ADGRG6: variants seen among roughly 807,000 people sequenced by gnomAD.
ADGRG6 encodes G-protein coupled receptor 126.
ADGRG6 carries 84 observed loss-of-function variants against 142.4 expected under a neutral mutation model. The observed-to-expected ratio is 0.59, with a 90% confidence interval of 0.49 to 0.71. The LOEUF is 0.71. ADGRG6 is among the 30% of genes least tolerant of loss of function. The probability of loss-of-function intolerance (pLI) is 0.00; values close to 1 mark genes in which losing one functional copy is unlikely to be tolerated. For missense variants in ADGRG6, 1,367 were observed against 1,466.6 expected, an observed-to-expected ratio of 0.93 and a Z score of 1.11; for synonymous variants, 521 against 520.5, an observed-to-expected ratio of 1.00 and a Z score of -0.01.
intron 2 of ADGRG6, among the ~76,000 whole-genome samples, chr6:142,322,476 T>G (rs1245457097): frequency 6.6e-6 from 1 of 152,088 alleles, no homozygotes; most frequent in Non-Finnish European, 1.5e-5. Flanking sequence ...TTAGGTCAAG[T>G]GTAAGATGCC....
rs1315498506 is a variant in ADGRG6, at chr6:142,402,730, A to G, written c.1855A>G (p.Lys619Glu). 1.2e-6 allele frequency: 2 copies of G among 1,600,120 alleles called. No individual in the cohort carries two copies. The highest frequency in any genetic ancestry group is 2.7e-5 in the African/African-American group (2 of 74,616). Residue 619 changes from lysine (K) to glutamate (E), a missense_variant, in exon 13 of 25, where the codon AAA (lysine) becomes GAA (glutamate). Coordinates refer to ENST00000367609, the MANE Select transcript of ADGRG6 (RefSeq NM_198569.3). ...IVEQVKRIVN[K>E]EENIDITLGS... Reference sequence around the variant, plus strand: ...GGAACAGGTCAAAAGAATTGTGAATAAAGAAGAAAACATTGATATAACACT... The same window carrying G: ...GGAACAGGTCAAAAGAATTGTGAATGAAGAAGAAAACATTGATATAACACT...
rs1775464755 is a variant in ADGRG6, at chr6:142,400,591, G to A, written c.1674G>A (p.Arg558=). ...CPDKPGFSAS[R]ICFYNATNPL... ...ACAAGCCTGGCTTTTCTGCTTCTCGGATATGGTAATATTTTCACTGACTCT... is the reference window on the plus strand; with the variant it reads ...ACAAGCCTGGCTTTTCTGCTTCTCGAATATGGTAATATTTTCACTGACTCT... Residue 558 remains arginine, a synonymous_variant, in exon 11 of 25, where the codon CGG becomes CGA. Coordinates refer to ENST00000367609, the MANE Select transcript of ADGRG6 (RefSeq NM_198569.3). 1 of 1,528,778 alleles carries A rather than the reference G, an allele frequency of 6.5e-7. No homozygotes were observed. Among genetic ancestry groups the A allele is most frequent in the Non-Finnish European group, 9.1e-7 (1 of 1,103,482 alleles). The allele number at this position is 1,528,778 out of a possible 1,614,324, so 94.7% of individuals were successfully genotyped here. A position where few individuals can be genotyped will look rare whatever the true frequency, so the allele number is the denominator to read the frequency against.
rs373987811 is a variant in ADGRG6 at position 142,414,953 on chromosome 6, G to A, written c.2542-16G>A. ...AGAAGAGAGTTTCTTACAGCTGCTC[G>A]CCATGTTTTATGTAGGACCTTCCAA... On this transcript the variant is annotated splice_polypyrimidine_tract_variant and intron_variant, in intron 18 of 24. Coordinates refer to ENST00000367609, the MANE Select transcript of ADGRG6 (RefSeq NM_198569.3). 1.4e-4 allele frequency: 224 copies of A among 1,597,194 alleles called. No homozygotes were observed. The East Asian group carries it at 3.1e-3, about 22-fold the overall frequency.
intron 7 of ADGRG6, among the ~76,000 whole-genome samples, chr6:142,392,352 A>T (rs1013694781): frequency 2.6e-5 from 4 of 151,962 alleles, no homozygotes; most frequent in Non-Finnish European, 5.9e-5. Flanking sequence ...TCTTATGCTG[A>T]GACCATAAAG....
At chr6:142,353,982 G>A (rs1314761072) in intron 2 of ADGRG6, among the ~76,000 whole-genome samples, 1 of 152,148 alleles carries the variant, frequency 6.6e-6, no homozygotes, top group Admixed American at 6.5e-5. Flanking sequence ...TTCTAGTCAA[G>A]TATATGGAGA....
chr6:142,365,568 A>C (rs1474508242), intron 2 of ADGRG6, among the ~76,000 whole-genome samples: 2 of 152,206 alleles, frequency 1.3e-5, no homozygotes, highest in African/African-American at 4.8e-5. Context: ...TAGTGCTACA[A>C]AGCAGAGGAA....
intron 24 of ADGRG6, among the ~76,000 whole-genome samples, chr6:142,441,326 AT>A (rs1307515177): frequency 2.0e-5 from 3 of 152,210 alleles, no homozygotes; most frequent in African/African-American, 7.2e-5. Context: ...GTCATGGTAC[AT>A]TCATAGAAGT....
At chr6:142,382,687 C>A (rs1217137692) in intron 5 of ADGRG6, among the ~76,000 whole-genome samples, 1 of 151,854 alleles carries the variant, frequency 6.6e-6, no homozygotes, top group Non-Finnish European at 1.5e-5. Flanking sequence ...TATCCATGAC[C>A]CTTTTCATCT....
chr6:142,374,155 T>G (rs1781388686), intron 4 of ADGRG6, among the ~76,000 whole-genome samples: 1 of 152,054 alleles, frequency 6.6e-6, no homozygotes, highest in African/African-American at 2.4e-5. Context: ...GTCTAGCCCT[T>G]TAGGAGAACA....
Position 142,409,879 on chromosome 6 carries a change from G to C in ADGRG6, c.2394G>C (p.Val798=). The C allele has an allele frequency of 6.9e-7, 1 of 1,456,230 alleles. No individual in the cohort carries two copies. The highest frequency in any genetic ancestry group is 9.5e-7 in the Non-Finnish European group (1 of 1,052,808). The allele number at this position is 1,456,230 out of a possible 1,614,324, so 90.2% of individuals were successfully genotyped here. The change falls in exon 17 of 25, where the codon GTG becomes GTC. Residue 798 remains valine, a synonymous_variant. Coordinates refer to ENST00000367609, the MANE Select transcript of ADGRG6 (RefSeq NM_198569.3). ...TTATTCTTATGTTAATATAGGAAGT[G>C]CATCATCCCATCTGTGCCTTCTGGG... ...IKIKHTRTQE[V]HHPICAFWDL...
intron 22 of ADGRG6, among the ~76,000 whole-genome samples, chr6:142,420,422 G>C (rs1318088020): frequency 2.0e-5 from 3 of 152,210 alleles, no homozygotes; most frequent in Admixed American, 6.6e-5. Context: ...AGAACCAAAC[G>C]GGGAGTTTAA....
At chr6:142,377,163 G>A (rs529425584) in intron 4 of ADGRG6, among the ~76,000 whole-genome samples, 8 of 152,294 alleles carry the variant, frequency 5.3e-5, no homozygotes, top group African/African-American at 1.2e-4. Flanking sequence ...CCGGGTTCTT[G>A]TCACACAACT....
intron 16 of ADGRG6, 55 bp downstream of exon 16, chr6:142,408,324 G>A: frequency 2.2e-6 from 3 of 1,354,290 alleles, no homozygotes; most frequent in Admixed American, 5.1e-5. Flanking sequence ...TAATATACTA[G>A]TGGGGCCTTT....
intron 2 of ADGRG6, among the ~76,000 whole-genome samples, chr6:142,353,153 G>T (rs1028373704): frequency 2.0e-5 from 3 of 152,066 alleles, no homozygotes; most frequent in African/African-American, 7.2e-5. Flanking sequence ...AATCCCCAAA[G>T]AATCAAAGAG....
intron 24 of ADGRG6, among the ~76,000 whole-genome samples, chr6:142,439,208 T>C (rs1562397045): frequency 6.6e-6 from 1 of 152,228 alleles, no homozygotes; most frequent in African/African-American, 2.4e-5. Flanking sequence ...TGTGTAACTT[T>C]TTCATGTTTT....
chr6:142,303,967 T>G (rs1303226966), intron 1 of ADGRG6, among the ~76,000 whole-genome samples: 1 of 152,194 alleles, frequency 6.6e-6, no homozygotes, highest in East Asian at 1.9e-4. Flanking sequence ...GCTTGATACC[T>G]AGATTTGAGA....
rs750805988 is a variant in ADGRG6, at chr6:142,405,671, C to A, written c.2128-17C>A. Reference sequence around the variant, plus strand: ...AATTATGATTACTTGACCAATATATCTGTGTGTGTGTGACAGATGGATTTT... The same window carrying A: ...AATTATGATTACTTGACCAATATATATGTGTGTGTGTGACAGATGGATTTT... On this transcript the variant is annotated splice_polypyrimidine_tract_variant and intron_variant, in intron 14 of 24. Coordinates refer to ENST00000367609, the MANE Select transcript of ADGRG6 (RefSeq NM_198569.3). 6.3e-7 allele frequency: 1 copy of A among 1,582,042 alleles called. No individual in the cohort carries two copies. Among genetic ancestry groups the A allele is most frequent in the Non-Finnish European group, 8.7e-7 (1 of 1,153,134 alleles).
At chr6:142,347,556 C>T (rs1360323589) in intron 2 of ADGRG6, among the ~76,000 whole-genome samples, 2 of 152,072 alleles carry the variant, frequency 1.3e-5, no homozygotes, top group Non-Finnish European at 2.9e-5. Context: ...GAGTCTTGAT[C>T]TTCTCAGTGG....
chr6:142,329,409 A>G (rs1345686945), intron 2 of ADGRG6, among the ~76,000 whole-genome samples: 1 of 152,168 alleles, frequency 6.6e-6, no homozygotes, highest in Non-Finnish European at 1.5e-5. Context: ...ATTTATGCCA[A>G]AATATTTGAA....
Sources: gnomAD v4.1 joint callset for allele counts (sites outside exome capture counted in the v4.1 genomes callset) on GRCh38, gnomAD v4.1.1 for gene constraint, MANE v1.5 for transcripts, NCBI Gene and HGNC (gene_info 2026-07-23, HGNC 2026-07-21) for gene names.